TSKS: variants seen among roughly 807,000 people sequenced by gnomAD.
TSKS encodes testis-specific serine kinase substrate.
Under a neutral mutation model 68.0 loss-of-function variants are expected in TSKS, and 27 were observed. That is an observed-to-expected ratio of 0.40 (90% confidence interval 0.29 to 0.55). The LOEUF (loss-of-function observed/expected upper bound fraction) is 0.55. TSKS is among the 20% of genes least tolerant of loss of function. TSKS has a pLI of 0.53. For synonymous variants in TSKS, 331 were observed against 340.4 expected, an observed-to-expected ratio of 0.97 and a Z score of 0.30; for missense variants, 806 against 776.0, an observed-to-expected ratio of 1.04 and a Z score of -0.46.
chr19:49,759,731 A>G (rs2084424904), intron 2 of TSKS, among the ~76,000 whole-genome samples: 1 of 151,736 alleles, frequency 6.6e-6, no homozygotes, highest in African/African-American at 2.4e-5. Flanking sequence ...GCTACTTGGG[A>G]GGTCAAGGTG....
intron 2 of TSKS, among the ~76,000 whole-genome samples, chr19:49,750,274 T>C (rs2084338461): frequency 6.6e-6 from 1 of 151,904 alleles, no homozygotes; most frequent in Admixed American, 6.6e-5. Flanking sequence ...TTTTTTTTTT[T>C]TTTTTGACAG....
Position 49,761,730 on chromosome 19 carries a change from G to A in TSKS, c.399+274C>T, listed in dbSNP as rs368489661. ...TGTAATCCCAGCACTGTGGGAGGCC[G>A]AGGTGGGAGGATCACTTGAGCCCAG... On this transcript the variant is annotated intron_variant, in intron 2 of 10. Coordinates refer to ENST00000246801, the MANE Select transcript of TSKS (RefSeq NM_021733.2). Among the ~76,000 whole-genome samples the A allele has an allele frequency of 8.2e-4, 125 of 152,216 alleles. 2 individuals are homozygous for A. Among genetic ancestry groups the A allele is most frequent in the African/African-American group, 2.7e-3 (114 of 41,544 alleles).
At chr19:49,739,986 G>A in intron 10 of TSKS, 54 bp from the exon 11 acceptor site, 1 of 1,609,612 alleles carries the variant, frequency 6.2e-7, no homozygotes, top group Non-Finnish European at 8.5e-7. Context: ...CTGGGGTGTT[G>A]GAGTGGAAGG....
chr19:49,739,831 C>T lies in TSKS; in HGVS notation c.1724G>A (p.Gly575Glu), dbSNP rs1568558922. 6.2e-7 allele frequency: 1 copy of T among 1,611,028 alleles called. No homozygotes were observed. The highest frequency in any genetic ancestry group is 2.2e-5 in the East Asian group (1 of 44,838). Residue 575 changes from glycine to glutamate, a missense_variant, in exon 11 of 11, where the codon GGA (glycine) becomes GAA (glutamate). By Grantham distance (98) the Gly-to-Glu change is moderately conservative. Coordinates refer to ENST00000246801, the MANE Select transcript of TSKS (RefSeq NM_021733.2). ...PLEGSTGTMG[G>E]GSSAGTPPKQ... ...TGGGGGGGTTCCTGCACTGCTGCCTCCCCCCATTGTTCCCGTGGACCCCTC... is the reference window on the plus strand; with the variant it reads ...TGGGGGGGTTCCTGCACTGCTGCCTTCCCCCATTGTTCCCGTGGACCCCTC...
In TSKS at chr19:49,757,035, A is replaced by T. The variant is rs182946068; in HGVS notation, c.399+4969T>A. Among the ~76,000 whole-genome samples the T allele has an allele frequency of 6.3e-4, 96 of 152,328 alleles. No homozygotes were observed. In the East Asian group the frequency reaches 0.012, roughly 19 times the overall value. On this transcript the variant is annotated intron_variant, in intron 2 of 10. Coordinates refer to ENST00000246801, the MANE Select transcript of TSKS (RefSeq NM_021733.2). Reference sequence around the variant, plus strand: ...AGATTGCGCCACTGCACTCCAGCCTAGGTGACAGAGACTCTGTCTCAAAAA... The same window carrying T: ...AGATTGCGCCACTGCACTCCAGCCTTGGTGACAGAGACTCTGTCTCAAAAA...
intron 9 of TSKS, among the ~76,000 whole-genome samples, chr19:49,741,420 C>T (rs1032920536): frequency 4.6e-5 from 7 of 152,312 alleles, no homozygotes; most frequent in South Asian, 2.1e-4. Flanking sequence ...GTGTGTTGTG[C>T]AATGCCCCAG....
chr19:49,762,028 A>G lies in TSKS; in HGVS notation c.375T>C (p.Asp125=). The G allele has an allele frequency of 6.2e-7, 1 of 1,613,964 alleles. No individual in the cohort carries two copies. The highest frequency in any genetic ancestry group is 8.5e-7 in the Non-Finnish European group (1 of 1,179,946). Residue 125 remains aspartate (D), a synonymous_variant, in exon 2 of 11, where the codon GAT becomes GAC. Coordinates refer to ENST00000246801, the MANE Select transcript of TSKS (RefSeq NM_021733.2). ...CCAGGATTTCCGTGATGTCTGCGTC[A>G]TCCGGATCCCAGGGTAGGGTAGGGG... ...PASPTLPWDP[D]DADITEILSG...
intron 2 of TSKS, among the ~76,000 whole-genome samples, chr19:49,750,716 G>T (rs1454542783): frequency 6.6e-6 from 1 of 152,144 alleles, no homozygotes; most frequent in Non-Finnish European, 1.5e-5. Flanking sequence ...CTGCTTAATG[G>T]CTGGAAGGCA....
intron 2 of TSKS, among the ~76,000 whole-genome samples, chr19:49,759,674 A>G (rs2123631581): frequency 6.6e-6 from 1 of 150,622 alleles, no homozygotes; most frequent in East Asian, 2.0e-4. Context: ...CGAAAGAAAG[A>G]AAAAAATTTG....
Position 49,747,455 on chromosome 19 carries a change from C to T in TSKS, c.597G>A (p.Val199=). 6.2e-7 allele frequency: 1 copy of T among 1,614,220 alleles called. No individual in the cohort carries two copies. The highest frequency in any genetic ancestry group is 8.5e-7 in the Non-Finnish European group (1 of 1,180,044). Residue 199 remains valine (V), a synonymous_variant, in exon 5 of 11, where the codon GTG becomes GTA. Transcript: ENST00000246801. ...CIQLKENCWK[V]TRSVEDAEIK... Reference sequence around the variant, plus strand: ...TTTCAGCATCTTCCACAGACCGGGTCACCTTCCAGCAGTTCTCCTGGGTCA... The same window carrying T: ...TTTCAGCATCTTCCACAGACCGGGTTACCTTCCAGCAGTTCTCCTGGGTCA...
chr19:49,745,445 C>T (rs2123605207), intron 6 of TSKS, 49 bp from the exon 7 acceptor site: 1 of 1,388,398 alleles, frequency 7.2e-7, no homozygotes, highest in Non-Finnish European at 9.6e-7. Flanking sequence ...TTCAACAGGT[C>T]CCCACCTACC....
intron 5 of TSKS, chr19:49,747,061 C>G (rs1409830774): frequency 6.5e-6 from 9 of 1,390,874 alleles, no homozygotes; most frequent in African/African-American, 1.4e-5. Flanking sequence ...AAATACCAGT[C>G]CCGGCCACTT....
At chr19:49,762,882 C>T (rs1438723439) in intron 1 of TSKS, among the ~76,000 whole-genome samples, 196 bp downstream of exon 1, 1 of 151,942 alleles carries the variant, frequency 6.6e-6, no homozygotes, top group South Asian at 2.1e-4. Context: ...CTTCTTCCTC[C>T]CTCCATCCAT....
At position 49,759,503 on chromosome 19, in the gene TSKS, C is replaced by A. The variant is rs1422919664; in HGVS notation, c.399+2501G>T. On this transcript the variant is annotated intron_variant, in intron 2 of 10. Coordinates refer to ENST00000246801, the MANE Select transcript of TSKS (RefSeq NM_021733.2). ...AAAAAAAAATTACCTGGGTGTGTGGCATGTGCCTGTAGTTACAGCTACTCG... is the reference window on the plus strand; with the variant it reads ...AAAAAAAAATTACCTGGGTGTGTGGAATGTGCCTGTAGTTACAGCTACTCG... Among the ~76,000 whole-genome samples the A allele has an allele frequency of 3.6e-5, 5 of 138,536 alleles. No homozygotes were observed. The East Asian group carries it at 8.4e-4, about 23-fold the overall frequency. The allele number at this position is 138,536 out of a possible 152,430, so 90.9% of individuals were successfully genotyped here. A position where few individuals can be genotyped will look rare whatever the true frequency, so the allele number is the denominator to read the frequency against.
At chr19:49,752,837 G>A (rs2084362173) in intron 2 of TSKS, among the ~76,000 whole-genome samples, 2 of 152,208 alleles carry the variant, frequency 1.3e-5, no homozygotes, top group Non-Finnish European at 2.9e-5. Context: ...GGAAAGTTCT[G>A]AGAAGGCCCC....
chr19:49,742,291 G>A (rs1263273643), intron 8 of TSKS, among the ~76,000 whole-genome samples: 3 of 151,836 alleles, frequency 2.0e-5, no homozygotes, highest in Admixed American at 6.6e-5. Context: ...TTCACCTACC[G>A]GGTTCAAACA....
rs2084239083 is a variant in TSKS at position 49,740,077 on chromosome 19, G to A, written c.1604C>T (p.Thr535Ile). The change falls in exon 10 of 11, where the codon ACA becomes ATA. Residue 535 changes from threonine (T) to isoleucine (I), a missense_variant. Thr to Ile is a moderately conservative substitution (Grantham distance 89). Transcript: ENST00000246801. The stretch of plus-strand genomic sequence containing the variant: ...TCCTCACTCTGGCTTCATCTTGTCT[G>A]TCAGCAGTAGGTTCTTGGCCCGCAG... ...EALRAKNLLLTDKMKPEEKMA... is the reference protein window; with the variant it reads ...EALRAKNLLLIDKMKPEEKMA... 2.5e-6 allele frequency: 4 copies of A among 1,614,160 alleles called. No individual in the cohort carries two copies. The South Asian group carries it at 4.4e-5, about 18-fold the overall frequency.
intron 2 of TSKS, among the ~76,000 whole-genome samples, chr19:49,753,785 T>G (rs924442245): frequency 6.6e-6 from 1 of 150,386 alleles, no homozygotes; most frequent in African/African-American, 2.4e-5. Context: ...ATAAAAATAA[T>G]AAAATAAAAA....
chr19:49,761,297 G>A (rs1212362521), intron 2 of TSKS, among the ~76,000 whole-genome samples: 1 of 152,072 alleles, frequency 6.6e-6, no homozygotes, highest in African/African-American at 2.4e-5. Flanking sequence ...GCCAGGTGGG[G>A]GGTGAGGATC....
Sources: allele counts gnomAD v4.1 joint callset (sites outside exome capture counted in the v4.1 genomes callset), GRCh38; gene constraint gnomAD v4.1.1; transcripts MANE v1.5; gene names NCBI Gene and HGNC (gene_info 2026-07-23, HGNC 2026-07-21).